KLF12: variants seen among roughly 807,000 people sequenced by gnomAD.
KLF12 encodes the protein Krueppel-like factor 12.
KLF12 carries 9 observed loss-of-function variants against 37.8 expected under a neutral mutation model. The observed-to-expected ratio is 0.24, with a 90% confidence interval of 0.14 to 0.42. The LOEUF is 0.42. KLF12 is among the 10% of genes least tolerant of loss of function. KLF12 has a pLI of 1.00. For synonymous variants in KLF12, 208 were observed against 202.1 expected (o/e 1.03, Z -0.25); for missense variants, 411 against 516.0 (o/e 0.80, Z 1.97).
chr13:74,190,106 G>A, the KLF12 span, among the ~76,000 whole-genome samples: 2 of 151,866 alleles, frequency 1.3e-5, no homozygotes, highest in Non-Finnish European at 2.9e-5. Flanking sequence ...GTGCAATACT[G>A]AAGTACACTT....
the KLF12 span, among the ~76,000 whole-genome samples, chr13:74,218,418 G>A: frequency 6.6e-6 from 1 of 152,128 alleles, no homozygotes; most frequent in Non-Finnish European, 1.5e-5. Context: ...AAAAACAAAG[G>A]TAGATCCTTC....
intron 1 of KLF12, among the ~76,000 whole-genome samples, chr13:74,105,819 A>G (rs1876621751): frequency 6.6e-6 from 1 of 152,230 alleles, no homozygotes; most frequent in Non-Finnish European, 1.5e-5. Context: ...ATTCTCTCCA[A>G]AGGAGAAGAA....
At chr13:73,871,180 CAG>C (rs928896305) in intron 3 of KLF12, among the ~76,000 whole-genome samples, 2 of 152,118 alleles carry the variant, frequency 1.3e-5, no homozygotes, top group Admixed American at 6.6e-5. Flanking sequence ...TTCAACGTTG[CAG>C]AGTCGAGTTA....
intron 4 of KLF12, among the ~76,000 whole-genome samples, chr13:73,819,679 A>G (rs147417627): frequency 6.6e-6 from 1 of 152,246 alleles, no homozygotes; most frequent in African/African-American, 2.4e-5. Context: ...TACGTCAGAT[A>G]GTAAGTGCCA....
intron 3 of KLF12, among the ~76,000 whole-genome samples, chr13:73,927,966 T>G (rs985026198): frequency 1.7e-4 from 26 of 151,954 alleles, no homozygotes; most frequent in African/African-American, 6.3e-4. Flanking sequence ...CAAGTGATTC[T>G]CCTGCCTCAG....
At chr13:74,032,979 A>C (rs1893151938) in intron 1 of KLF12, among the ~76,000 whole-genome samples, 1 of 152,202 alleles carries the variant, frequency 6.6e-6, no homozygotes, top group Non-Finnish European at 1.5e-5. Flanking sequence ...CTACCTCCAC[A>C]AACGTCACTT....
At chr13:74,147,909 T>A in the KLF12 span, among the ~76,000 whole-genome samples, 1 of 152,014 alleles carries the variant, frequency 6.6e-6, no homozygotes, top group African/African-American at 2.4e-5. Flanking sequence ...GTTTTCTCAC[T>A]TCTTTTTTTT....
At chr13:74,104,174 T>C (rs972536130) in intron 1 of KLF12, among the ~76,000 whole-genome samples, 15 of 152,310 alleles carry the variant, frequency 9.8e-5, no homozygotes, top group African/African-American at 3.1e-4. Context: ...CATTTGAACA[T>C]GTTTTTAGTA....
chr13:74,137,065 A>T (rs571634233), upstream of KLF12, among the ~76,000 whole-genome samples: 55 of 152,328 alleles, frequency 3.6e-4, no homozygotes, highest in African/African-American at 1.2e-3. Flanking sequence ...AGTTCATGTA[A>T]TTCTATCTCC....
rs952507339 is a variant in KLF12 at position 74,090,523 on chromosome 13, T to C, written c.-32+43216A>G. On this transcript the variant is annotated intron_variant, in intron 1 of 7. Transcript: ENST00000377669. ...TCTCTATCAAAATCGACAAGCTGATTCTAAAATGCATGTAGAGTCTAATAA... is the reference window on the plus strand; with the variant it reads ...TCTCTATCAAAATCGACAAGCTGATCCTAAAATGCATGTAGAGTCTAATAA... Among the ~76,000 whole-genome samples, 3 of 152,286 alleles carry C rather than the reference T, an allele frequency of 2.0e-5. No individual in the cohort carries two copies. The South Asian group carries it at 6.2e-4, about 32-fold the overall frequency.
At chr13:74,140,375 A>T in the KLF12 span, among the ~76,000 whole-genome samples, 43 of 152,338 alleles carry the variant, frequency 2.8e-4, no homozygotes, top group African/African-American at 9.9e-4. Context: ...ATAAAAAAAA[A>T]TAAGCTGGAA....
At chr13:74,160,735 ACATACTG>A in the KLF12 span, among the ~76,000 whole-genome samples, 1 of 152,202 alleles carries the variant, frequency 6.6e-6, no homozygotes, top group Non-Finnish European at 1.5e-5. Context: ...AGAGAATGGG[ACATACTG>A]CATGAGGTTA....
the KLF12 span, among the ~76,000 whole-genome samples, chr13:74,264,734 C>T: frequency 1.3e-5 from 2 of 152,058 alleles, no homozygotes; most frequent in African/African-American, 4.8e-5. Context: ...TTTATGTTGT[C>T]AAACTTTGTG....
intron 3 of KLF12, among the ~76,000 whole-genome samples, chr13:73,891,136 G>A (rs555539299): frequency 3.3e-5 from 5 of 152,154 alleles, no homozygotes; most frequent in African/African-American, 9.6e-5. Context: ...GAAGCAGAAA[G>A]CAGAAAATAT....
At chr13:74,089,252 G>A (rs1462485447) in intron 1 of KLF12, among the ~76,000 whole-genome samples, 2 of 152,084 alleles carry the variant, frequency 1.3e-5, no homozygotes, top group Non-Finnish European at 1.5e-5. Flanking sequence ...GAGAATCAAA[G>A]ACACACAGGC....
chr13:74,054,936 T>C (rs972782428), intron 1 of KLF12, among the ~76,000 whole-genome samples: 5 of 152,236 alleles, frequency 3.3e-5, no homozygotes, highest in South Asian at 4.1e-4. Context: ...ATACTTTGTA[T>C]GGACACATGA....
At chr13:74,301,682 G>A in the KLF12 span, among the ~76,000 whole-genome samples, 1 of 152,236 alleles carries the variant, frequency 6.6e-6, no homozygotes, top group South Asian at 2.1e-4. Flanking sequence ...ATGCAGGAAT[G>A]ATGTCATTTG....
chr13:73,904,360 A>G (rs1212977300), intron 3 of KLF12, among the ~76,000 whole-genome samples: 1 of 151,888 alleles, frequency 6.6e-6, no homozygotes, highest in African/African-American at 2.4e-5. Flanking sequence ...GGATGGTTTA[A>G]TCTATCGTAA....
the KLF12 span, among the ~76,000 whole-genome samples, chr13:74,216,461 A>C: frequency 1.3e-5 from 2 of 152,174 alleles, no homozygotes; most frequent in Non-Finnish European, 2.9e-5. Context: ...TCTGATGAGG[A>C]CGGCATCCCT....
Sources: gnomAD v4.1 joint callset for allele counts (sites outside exome capture counted in the v4.1 genomes callset) on GRCh38, gnomAD v4.1.1 for gene constraint, MANE v1.5 for transcripts, NCBI Gene and HGNC (gene_info 2026-07-23, HGNC 2026-07-21) for gene names.